Variants in TBC1D20 observed in about 807,000 individuals in gnomAD.
TBC1D20 encodes chromosome 20 open reading frame 140.
A neutral mutation model predicts 41.6 loss-of-function variants in TBC1D20; 12 were observed. The observed-to-expected ratio is 0.29, with a 90% CI of 0.18 to 0.47. The LOEUF (loss-of-function observed/expected upper bound fraction) is 0.47, where lower values mean the gene tolerates loss of function less well. Among genes scored for constraint, TBC1D20 ranks in the 20% least tolerant of loss-of-function variants. The probability of loss-of-function intolerance (pLI) is 1.00; values close to 1 mark genes in which losing one functional copy is unlikely to be tolerated. For synonymous variants in TBC1D20, 205 were observed against 204.8 expected, an observed-to-expected ratio of 1.00 and a Z score of -0.01; for missense variants, 421 against 517.4, an observed-to-expected ratio of 0.81 and a Z score of 1.81.
intron 1 of TBC1D20, among the ~76,000 whole-genome samples, chr20:451,709 C>G (rs957017563): frequency 6.6e-6 from 1 of 152,176 alleles, no homozygotes; most frequent in African/African-American, 2.4e-5. Flanking sequence ...AAAGCCCATT[C>G]TGCTGGAGTG....
Position 439,287 on chromosome 20 carries a change from C to A in TBC1D20, c.777G>T (p.Leu259Phe). The A allele has an allele frequency of 6.2e-7, 1 of 1,607,550 alleles. No individual in the cohort carries two copies. Among genetic ancestry groups the A allele is most frequent in the Non-Finnish European group, 8.5e-7 (1 of 1,176,852 alleles). The change falls in exon 7 of 8, where the codon TTG (leucine) becomes TTT (phenylalanine). Residue 259 changes from leucine to phenylalanine, a missense_variant. Physicochemically the swap from Leu to Phe is conservative, Grantham distance 22 (BLOSUM62 0). Transcript: ENST00000354200. This position sits in a 1 kb window ranked among gnomAD's most constrained non-coding sequence, Gnocchi z 4.6. ...AGTCCAGGACTTCCTGCTCGCGATA[C>A]AACACAATCTGTGGGGAGGTAGTAA... ...MPIYFAAVIV[L>F]YREQEVLDCD...
intron 2 of TBC1D20, among the ~76,000 whole-genome samples, chr20:445,951 G>T (rs2017323261): frequency 6.6e-6 from 1 of 152,214 alleles, no homozygotes; most frequent in African/African-American, 2.4e-5. Context: ...ACAAAAAGCT[G>T]ACTGCTCTGA....
chr20:450,158 T>G (rs2017418534), intron 1 of TBC1D20, among the ~76,000 whole-genome samples: 1 of 152,000 alleles, frequency 6.6e-6, no homozygotes, highest in Non-Finnish European at 1.5e-5. Flanking sequence ...TAGAGATTTT[T>G]TTTTTTTTTT....
intron 7 of TBC1D20, 86 bp from the exon 8 acceptor site, chr20:438,927 C>T: frequency 6.5e-7 from 1 of 1,538,748 alleles, no homozygotes; most frequent in Non-Finnish European, 8.8e-7. Context: ...GCGGGCAGAG[C>T]CTTTCATTGC....
Position 445,065 on chromosome 20 carries a change from G to T in TBC1D20, c.322C>A (p.Arg108=). The T allele has an allele frequency of 6.2e-7, 1 of 1,604,666 alleles. No homozygotes were observed. The highest frequency in any genetic ancestry group is 8.5e-7 in the Non-Finnish European group (1 of 1,174,570). The change falls in exon 3 of 8, where the codon CGG becomes AGG. Residue 108 remains arginine (R), a synonymous_variant. Transcript: ENST00000354200. ...QVLLDVRRSL[R]RFPPGMPEEQ... ...AGCTTCTCACCAGGAGGGAACCGCC[G>T]CAATGACCGCCGGACGTCCAGCAAC...
intron 1 of TBC1D20, among the ~76,000 whole-genome samples, chr20:460,407 C>T (rs1568469742): frequency 6.9e-6 from 1 of 145,710 alleles, no homozygotes; most frequent in Non-Finnish European, 1.5e-5. Context: ...CACTCCAACC[C>T]GGGTGACAGG....
In TBC1D20 at chr20:462,407, C is replaced by T. The variant is rs1477838200; in HGVS notation, c.-2G>A. On this transcript the variant is annotated 5_prime_UTR_variant, in exon 1 of 8. Coordinates refer to ENST00000354200, the MANE Select transcript of TBC1D20 (RefSeq NM_144628.4). ...GCCCTGCGCACTCCGGAGGGCCATG[C>T]CCCGGGGCCCCGGGCCCCCACCCGA... The T allele has an allele frequency of 2.4e-6, 3 of 1,228,628 alleles. No individual in the cohort carries two copies. Among genetic ancestry groups the T allele is most frequent in the Non-Finnish European group, 3.1e-6 (3 of 978,282 alleles). 76.1% of individuals were successfully genotyped at this position (1,228,628 alleles called of 1,614,324 possible).
chr20:451,854 TTAA>T (rs2017447316), intron 1 of TBC1D20, among the ~76,000 whole-genome samples: 1 of 152,336 alleles, frequency 6.6e-6, no homozygotes, highest in Admixed American at 6.5e-5. Context: ...AAATTCTCTC[TTAA>T]TGATGGTTTG....
chr20:451,782 C>T (rs2017445951), intron 1 of TBC1D20, among the ~76,000 whole-genome samples: 1 of 152,056 alleles, frequency 6.6e-6, no homozygotes, highest in Non-Finnish European at 1.5e-5. Context: ...TGTAGTGGCA[C>T]AGTCATGGCT....
At chr20:453,371 G>A (rs2122416179) in intron 1 of TBC1D20, among the ~76,000 whole-genome samples, 1 of 148,048 alleles carries the variant, frequency 6.8e-6, no homozygotes. Context: ...CTACTCGGGA[G>A]GCTGAGGCAG....
chr20:443,654 AG>A (rs2017278762), intron 3 of TBC1D20, among the ~76,000 whole-genome samples: 1 of 152,202 alleles, frequency 6.6e-6, no homozygotes. Flanking sequence ...AAGCAGTGAA[AG>A]GAGTGAGAGT....
Position 438,837 on chromosome 20 carries a change from C to T in TBC1D20, c.961G>A (p.Ala321Thr), listed in dbSNP as rs773412908. 8.7e-6 allele frequency: 14 copies of T among 1,612,696 alleles called. No individual in the cohort carries two copies. In the South Asian group the frequency reaches 1.4e-4, roughly 16 times the overall value. ...TCAAAGTCTTTGAAAGTAGAGGCTGCCGTCCTGCAGGGGAAAGAGACGGAA... is the reference window on the plus strand; with the variant it reads ...TCAAAGTCTTTGAAAGTAGAGGCTGTCGTCCTGCAGGGGAAAGAGACGGAA... ...AAAQQQAERT[A>T]ASTFKDFELA... Residue 321 changes from alanine (A) to threonine (T), a missense_variant, in exon 8 of 8, where the codon GCA (alanine) becomes ACA (threonine). By Grantham distance (58) the Ala-to-Thr change is moderately conservative. Around this residue, in one of 3 missense-constraint regions of TBC1D20, gnomAD observed 161 missense variants for 182.7 expected, o/e 0.88. Transcript: ENST00000354200.
At chr20:451,512 C>A (rs1469114264) in intron 1 of TBC1D20, among the ~76,000 whole-genome samples, 1 of 152,156 alleles carries the variant, frequency 6.6e-6, no homozygotes, top group African/African-American at 2.4e-5. Flanking sequence ...AGCGTCACTG[C>A]ACTCTAGCCT....
chr20:460,531 A>T (rs78413402), intron 1 of TBC1D20, among the ~76,000 whole-genome samples: 1 of 152,124 alleles, frequency 6.6e-6, no homozygotes. Flanking sequence ...GAGTTCTATT[A>T]AACACAAAAT....
At chr20:456,254 A>T (rs536408165) in intron 1 of TBC1D20, among the ~76,000 whole-genome samples, 1 of 152,312 alleles carries the variant, frequency 6.6e-6, no homozygotes, top group African/African-American at 2.4e-5. Context: ...CAAAAACAAA[A>T]AAAAATCTCC....
chr20:441,533 T>G, intron 5 of TBC1D20, 55 bp downstream of exon 5: 2 of 1,422,256 alleles, frequency 1.4e-6, no homozygotes, highest in Non-Finnish European at 2.0e-6. Flanking sequence ...GTTTCAGGTG[T>G]GGGGGGGTGT....
intron 1 of TBC1D20, among the ~76,000 whole-genome samples, chr20:450,112 C>T (rs1015907143): frequency 6.6e-6 from 1 of 151,872 alleles, no homozygotes; most frequent in African/African-American, 2.4e-5. Context: ...TCTCCTGTTA[C>T]ACGCTACTAC....
At position 438,887 on chromosome 20, in the gene TBC1D20, G is replaced by A. The variant is rs200689703; in HGVS notation, c.957-46C>T. ...AGGAAGGAAGTGGTATGAAAGAGGA[G>A]GAGGAAAGCAAAACTACACCACATA... On this transcript the variant is annotated intron_variant, in intron 7 of 7. Coordinates refer to ENST00000354200, the MANE Select transcript of TBC1D20 (RefSeq NM_144628.4). The A allele has an allele frequency of 2.5e-6, 4 of 1,602,080 alleles. No individual in the cohort carries two copies. The African/African-American group carries it at 4.0e-5, about 16-fold the overall frequency.
chr20:455,178 G>A (rs192045297), intron 1 of TBC1D20, among the ~76,000 whole-genome samples: 1 of 152,214 alleles, frequency 6.6e-6, no homozygotes, highest in Non-Finnish European at 1.5e-5. Flanking sequence ...TAACCTAGTA[G>A]GGTGACCATT....
Sources: gnomAD v4.1 joint callset for allele counts (sites outside exome capture counted in the v4.1 genomes callset) on GRCh38, gnomAD v4.1.1 for gene constraint, gnomAD v4.1.1 regional missense constraint, Gnocchi (gnomAD v3.1) non-coding constraint, MANE v1.5 for transcripts, NCBI Gene and HGNC (gene_info 2026-07-23, HGNC 2026-07-21) for gene names.